Variants in SYN2 observed in about 807,000 individuals in gnomAD.
SYN2 encodes the protein synapsin-2.
Under a neutral mutation model 50.9 loss-of-function variants are expected in SYN2, and 19 were observed. The ratio of observed to expected loss-of-function variants is 0.37; its 90% CI spans 0.26 to 0.55. SYN2 has a LOEUF of 0.55. Among genes scored for constraint, SYN2 ranks in the 20% least tolerant of loss-of-function variants. The pLI is 0.81. For missense variants in SYN2, 587 were observed against 576.4 expected (o/e 1.02, Z -0.19); for synonymous variants, 255 against 224.9 (o/e 1.13, Z -1.20).
chr3:12,182,695 C>T (rs978063727), intron 10 of SYN2, among the ~76,000 whole-genome samples: 3 of 152,208 alleles, frequency 2.0e-5, no homozygotes, highest in African/African-American at 4.8e-5. Context: ...AGTTCCCAGC[C>T]GAGTCCAAAG....
chr3:12,052,733 A>C (rs1417730727), intron 1 of SYN2, among the ~76,000 whole-genome samples: 1 of 152,222 alleles, frequency 6.6e-6, no homozygotes, highest in Non-Finnish European at 1.5e-5. Flanking sequence ...CATAGGAGCC[A>C]GCCTTGGTCA....
intron 1 of SYN2, among the ~76,000 whole-genome samples, chr3:12,107,303 G>C (rs1295097998): frequency 6.6e-6 from 1 of 152,182 alleles, no homozygotes; most frequent in Admixed American, 6.5e-5. Flanking sequence ...TTGAAAGTCT[G>C]TTACCCTGGG....
chr3:12,041,332 T>C (rs1694605103), intron 1 of SYN2, among the ~76,000 whole-genome samples: 1 of 152,160 alleles, frequency 6.6e-6, no homozygotes, highest in Non-Finnish European at 1.5e-5. Context: ...TGCAGTGTTT[T>C]TTCAGAGATT....
chr3:12,159,537 T>C (rs1380999717), intron 5 of SYN2, among the ~76,000 whole-genome samples: 1 of 152,150 alleles, frequency 6.6e-6, no homozygotes, highest in African/African-American at 2.4e-5. Flanking sequence ...AAGCAGCCAG[T>C]GCTTTAGAAA....
chr3:12,046,239 T>C (rs1694735942), intron 1 of SYN2, among the ~76,000 whole-genome samples: 1 of 151,716 alleles, frequency 6.6e-6, no homozygotes, highest in Non-Finnish European at 1.5e-5. Flanking sequence ...ATCTGAGGAG[T>C]TGGGAAAGGT....
At chr3:12,012,769 C>A (rs1693942752) in intron 1 of SYN2, among the ~76,000 whole-genome samples, 12 of 152,132 alleles carry the variant, frequency 7.9e-5, no homozygotes, top group Admixed American at 7.9e-4. Flanking sequence ...TTCTGCATGA[C>A]CTTGCTTAAG....
intron 1 of SYN2, among the ~76,000 whole-genome samples, chr3:12,015,096 C>T (rs759180237): frequency 6.6e-6 from 1 of 152,144 alleles, no homozygotes; most frequent in African/African-American, 2.4e-5. Flanking sequence ...TTGAATGTGC[C>T]GTGCCCCTGT....
intron 1 of SYN2, chr3:12,071,307 T>A: frequency 1.8e-6 from 1 of 565,712 alleles, no homozygotes; most frequent in Non-Finnish European, 3.5e-6. Context: ...AGATGTGGAT[T>A]AACAAGCAGG....
intron 5 of SYN2, among the ~76,000 whole-genome samples, chr3:12,155,479 C>T (rs1233030474): frequency 5.3e-5 from 8 of 152,196 alleles, no homozygotes; most frequent in Non-Finnish European, 1.0e-4. Context: ...GTCATTGCCA[C>T]TATCCTGTGC....
chr3:12,024,072 T>C lies in SYN2; in HGVS notation c.377+19144T>C, dbSNP rs182125485. Among the ~76,000 whole-genome samples the C allele has an allele frequency of 8.6e-5, 13 of 151,960 alleles. No homozygotes were observed. In the East Asian group the frequency reaches 2.3e-3, roughly 27 times the overall value. On this transcript the variant is annotated intron_variant, in intron 1 of 12. Transcript: ENST00000621198. Reference sequence around the variant, plus strand: ...AACTCATTGAGTTTTTAGTATAAAATTATAAAGTATGACCCAAGATGAGAT... The same window carrying C: ...AACTCATTGAGTTTTTAGTATAAAACTATAAAGTATGACCCAAGATGAGAT...
At chr3:12,135,365 A>T (rs1204958550) in intron 1 of SYN2, among the ~76,000 whole-genome samples, 1 of 152,214 alleles carries the variant, frequency 6.6e-6, no homozygotes, top group Non-Finnish European at 1.5e-5. Context: ...GTTTGGTTGA[A>T]AGAACAAGGC....
At chr3:12,161,105 G>A (rs905465607) in intron 5 of SYN2, among the ~76,000 whole-genome samples, 1 of 152,170 alleles carries the variant, frequency 6.6e-6, no homozygotes, top group Non-Finnish European at 1.5e-5. Flanking sequence ...AAGGTTGTAG[G>A]TACCAAGAGG....
chr3:12,036,925 G>C (rs2618407), intron 1 of SYN2, among the ~76,000 whole-genome samples: 97,604 of 152,040 alleles, frequency 0.64, 33,846 homozygotes, highest in South Asian at 0.78. Context: ...GAAGCATCTT[G>C]AACACTTTGC....
intron 10 of SYN2, among the ~76,000 whole-genome samples, chr3:12,178,408 C>G (rs73813144): frequency 6.6e-6 from 1 of 152,118 alleles, no homozygotes; most frequent in Admixed American, 6.6e-5. Context: ...GCTTGTCTGC[C>G]GAAAGCCACA....
At chr3:12,052,640 T>G (rs75023126) in intron 1 of SYN2, among the ~76,000 whole-genome samples, 379 of 152,022 alleles carry the variant, frequency 2.5e-3, no homozygotes, top group East Asian at 0.02. Context: ...AGGTTAGGAG[T>G]GTTAAGGTAT....
intron 1 of SYN2, among the ~76,000 whole-genome samples, chr3:12,033,102 C>G (rs1365666587): frequency 6.6e-6 from 1 of 151,442 alleles, no homozygotes. Flanking sequence ...TTCTAACAGA[C>G]AGGACCCTCA....
chr3:12,140,441 G>A (rs1179675015), intron 1 of SYN2, among the ~76,000 whole-genome samples: 2 of 152,112 alleles, frequency 1.3e-5, no homozygotes, highest in African/African-American at 4.8e-5. Context: ...GGGATGTTTT[G>A]GATTATTTTA....
At chr3:12,123,579 G>A (rs776885940) in intron 1 of SYN2, among the ~76,000 whole-genome samples, 2 of 152,102 alleles carry the variant, frequency 1.3e-5, no homozygotes, top group Admixed American at 6.6e-5. Context: ...GGCCAACCTA[G>A]GCAATGTAGT....
chr3:12,081,709 A>T (rs940732879), intron 1 of SYN2, among the ~76,000 whole-genome samples: 14 of 152,176 alleles, frequency 9.2e-5, no homozygotes, highest in Non-Finnish European at 2.9e-5. Context: ...TCATTCTTCC[A>T]CCACATATGC....
Sources: gnomAD v4.1 joint callset for allele counts (sites outside exome capture counted in the v4.1 genomes callset) on GRCh38, gnomAD v4.1.1 for gene constraint, MANE v1.5 for transcripts, NCBI Gene and HGNC (gene_info 2026-07-23, HGNC 2026-07-21) for gene names.